The following AKAP13 variants were observed in gnomAD, a reference collection of about 807,000 sequenced individuals.
The protein encoded by AKAP13 is A-kinase anchoring protein 13, also known as A-kinase anchor protein 13.
Under a neutral mutation model 264.5 loss-of-function variants are expected in AKAP13, and 80 were observed. That is an observed-to-expected ratio of 0.30 (90% CI 0.25 to 0.36). The LOEUF (loss-of-function observed/expected upper bound fraction) is 0.36, where lower values mean the gene tolerates loss of function less well. AKAP13 is among the 10% of genes least tolerant of loss of function. The probability of loss-of-function intolerance (pLI) is 1.00; values close to 1 mark genes in which losing one functional copy is unlikely to be tolerated. For synonymous variants in AKAP13, 1,380 were observed against 1,250.2 expected (o/e 1.10, Z -2.19); for missense variants, 3,712 against 3,435.2 (o/e 1.08, Z -2.01).
chr15:85,744,775 C>T lies in AKAP13; in HGVS notation c.*98C>T. On this transcript the variant is annotated 3_prime_UTR_variant, in exon 37 of 37. Coordinates refer to ENST00000394518, the MANE Select transcript of AKAP13 (RefSeq NM_007200.5). ...ACAAGTCTCTTACACTGGACGCCCA[C>T]TGCTCCTCAGCGTCCAGTCCTCCTG... 1.7e-6 allele frequency: 2 copies of T among 1,171,162 alleles called. No individual in the cohort carries two copies. The highest frequency in any genetic ancestry group is 2.4e-6 in the Non-Finnish European group (2 of 836,894). The allele number at this position is 1,171,162 out of a possible 1,614,324, so 72.5% of individuals were successfully genotyped here. A position where few individuals can be genotyped will look rare whatever the true frequency, so the allele number is the denominator to read the frequency against.
At position 85,521,566 on chromosome 15, in the gene AKAP13, A is replaced by G. The variant is rs2076823189; in HGVS notation, c.172A>G (p.Ile58Val). 1 of 1,613,886 alleles carries G rather than the reference A, an allele frequency of 6.2e-7. No homozygotes were observed. Among genetic ancestry groups the G allele is most frequent in the Non-Finnish European group, 8.5e-7 (1 of 1,179,872 alleles). ...RKVSSDTLET[I>V]APGHDCCETV... ...GGTCAGTTCTGATACATTGGAGACC[A>G]TTGCTCCTGGTAAGTATTTGAATGG... The change falls in exon 3 of 37, where the codon ATT becomes GTT. Residue 58 changes from isoleucine (I) to valine (V), a missense_variant. By Grantham distance (29) the Ile-to-Val change is conservative. Coordinates refer to ENST00000394518, the MANE Select transcript of AKAP13 (RefSeq NM_007200.5).
At chr15:85,701,541 G>A (rs2085914314) in intron 17 of AKAP13, among the ~76,000 whole-genome samples, 1 of 152,146 alleles carries the variant, frequency 6.6e-6, no homozygotes, top group Non-Finnish European at 1.5e-5. Context: ...CCAGGTTCAA[G>A]CGATTCTTCT....
In AKAP13 at chr15:85,736,151, C is replaced by G. The variant is rs762284432; in HGVS notation, c.7557+17C>G. On this transcript the variant is annotated intron_variant, in intron 33 of 36. Transcript: ENST00000394518. ...AACAGTGAGGTAAGGACATTATGAA[C>G]TATTTAAGAAAATATGTGTTTGTTG... is the stretch of plus-strand genomic sequence containing the variant. 6.3e-7 allele frequency: 1 copy of G among 1,579,590 alleles called. No individual in the cohort carries two copies. Among genetic ancestry groups the G allele is most frequent in the Admixed American group, 1.7e-5 (1 of 59,196 alleles).
chr15:85,392,637 T>C (rs1015278060), intron 1 of AKAP13, among the ~76,000 whole-genome samples: 2 of 152,012 alleles, frequency 1.3e-5, no homozygotes, highest in Non-Finnish European at 2.9e-5. Flanking sequence ...AACTCTTGGG[T>C]TTAAGTGGTC....
intron 5 of AKAP13, among the ~76,000 whole-genome samples, chr15:85,574,241 ATGAT>A (rs2078931972): frequency 6.6e-6 from 1 of 152,198 alleles, no homozygotes; most frequent in African/African-American, 2.4e-5. Flanking sequence ...TGTGTGGGGT[ATGAT>A]TGTGTGCCTC....
chr15:85,607,328 A>G (rs560955593), intron 8 of AKAP13, among the ~76,000 whole-genome samples: 1 of 152,276 alleles, frequency 6.6e-6, no homozygotes, highest in Non-Finnish European at 1.5e-5. Context: ...TGTTCTTTCC[A>G]TTCTGACTTG....
At chr15:85,530,141 A>T (rs1288556506) in intron 3 of AKAP13, among the ~76,000 whole-genome samples, 2 of 152,218 alleles carry the variant, frequency 1.3e-5, no homozygotes, top group Non-Finnish European at 2.9e-5. Flanking sequence ...AGAGATAAGC[A>T]TACTGTTGTT....
chr15:85,548,173 A>G (rs1203820759), intron 5 of AKAP13, among the ~76,000 whole-genome samples: 2 of 152,254 alleles, frequency 1.3e-5, no homozygotes, highest in Non-Finnish European at 2.9e-5. Context: ...AGGAGGCTCC[A>G]GCTAGTGACT....
rs571771181 is a variant in AKAP13, at chr15:85,425,919, T to G, written c.-12+45121T>G. Among the ~76,000 whole-genome samples the G allele has an allele frequency of 1.0e-4, 15 of 149,096 alleles. No individual in the cohort carries two copies. In the East Asian group the frequency reaches 2.9e-3, roughly 29 times the overall value. On this transcript the variant is annotated intron_variant, in intron 1 of 36. Transcript: ENST00000394518. ...AAGATCGGTTTAAAAAAAAAAAGAG[T>G]CATTATCAGATTGCGAAGTATTTGT...
At chr15:85,473,558 T>C (rs2075044049) in intron 1 of AKAP13, among the ~76,000 whole-genome samples, 1 of 152,226 alleles carries the variant, frequency 6.6e-6, no homozygotes. Context: ...GGTTCAGTGC[T>C]AGATTAGTCA....
intron 21 of AKAP13, 89 bp downstream of exon 21, chr15:85,717,491 G>A: frequency 3.4e-6 from 3 of 878,160 alleles, no homozygotes; most frequent in South Asian, 1.5e-5. Context: ...TGGAGTGACA[G>A]TACCTGCCTC....
rs1467895169 is a variant in AKAP13, at chr15:85,498,199, G to GATATAGATATAGATATATAT, written c.33+12451_33+12452insGATATAGATATATATATATA. Among the ~76,000 whole-genome samples the GATATAGATATAGATATATAT allele has an allele frequency of 2.3e-5, 3 of 133,086 alleles. No individual in the cohort carries two copies. The South Asian group carries it at 1.0e-3, about 45-fold the overall frequency. 87.3% of individuals were successfully genotyped at this position (133,086 alleles called of 152,430 possible). A position where few individuals can be genotyped will look rare whatever the true frequency, so the allele number is the denominator to read the frequency against. On this transcript the variant is annotated intron_variant, in intron 2 of 36. Transcript: ENST00000394518. The stretch of plus-strand genomic sequence containing the variant: ...TGGTAGTAAGGATTAAATGAAGTGA[G>GATATAGATATAGATATATAT]ATATATATATATATATATATATATA...
chr15:85,676,828 G>T, intron 14 of AKAP13: 1 of 668,618 alleles, frequency 1.5e-6, no homozygotes, highest in Non-Finnish European at 1.8e-6. Flanking sequence ...AAATGGAGAT[G>T]AGAATGTAAA....
chr15:85,452,243 G>A (rs2074118970), intron 1 of AKAP13, among the ~76,000 whole-genome samples: 1 of 147,022 alleles, frequency 6.8e-6, no homozygotes, highest in Admixed American at 6.8e-5. Flanking sequence ...TTAAATACTG[G>A]TTATTTCATC....
Position 85,749,256 on chromosome 15 carries a change from G to C in AKAP13, c.*4579G>C, listed in dbSNP as rs2089453016. ...TTCTCGAATTTTGCCACAACATACT[G>C]GCTTCGTATTTTATTTATCTTTCTT... On this transcript the variant is annotated 3_prime_UTR_variant, in exon 37 of 37. Coordinates refer to ENST00000394518, the MANE Select transcript of AKAP13 (RefSeq NM_007200.5). The C allele has an allele frequency of 6.6e-6, 1 of 152,162 alleles. No homozygotes were observed. Among genetic ancestry groups the C allele is most frequent in the Admixed American group, 6.5e-5 (1 of 15,276 alleles). 9.4% of individuals were successfully genotyped at this position (152,162 alleles called of 1,614,324 possible). A position where few individuals can be genotyped will look rare whatever the true frequency, so the allele number is the denominator to read the frequency against.
intron 17 of AKAP13, chr15:85,702,269 A>G (rs544416255): frequency 6.6e-6 from 1 of 151,706 alleles, no homozygotes; most frequent in Admixed American, 6.6e-5. Context: ...ACACACACAC[A>G]CAAAAGGAGT....
chr15:85,713,035 G>A (rs1033242496), intron 19 of AKAP13, among the ~76,000 whole-genome samples: 1 of 152,132 alleles, frequency 6.6e-6, no homozygotes, highest in African/African-American at 2.4e-5. Flanking sequence ...AGTATCATAG[G>A]GTGGTAGTCA....
chr15:85,384,858 A>G (rs1191700952), intron 1 of AKAP13, among the ~76,000 whole-genome samples: 2 of 152,172 alleles, frequency 1.3e-5, no homozygotes, highest in African/African-American at 2.4e-5. Flanking sequence ...TAGAAGATGA[A>G]TGGATAATGT....
intron 1 of AKAP13, among the ~76,000 whole-genome samples, chr15:85,448,730 T>C (rs747134083): frequency 6.4e-4 from 98 of 152,158 alleles, no homozygotes; most frequent in Non-Finnish European, 1.2e-3. Context: ...TTTGTGTGCC[T>C]GTTTTGTACC....
Sources: allele counts gnomAD v4.1 joint callset (sites outside exome capture counted in the v4.1 genomes callset), GRCh38; gene constraint gnomAD v4.1.1; transcripts MANE v1.5; gene names NCBI Gene and HGNC (gene_info 2026-07-23, HGNC 2026-07-21).